The following PCDHGA6 variants were observed in gnomAD, a reference collection of about 807,000 sequenced individuals.
The protein encoded by PCDHGA6 is protocadherin gamma subfamily A, 6.
In PCDHGA6, 41 loss-of-function variants were observed where a neutral mutation model predicts 60.6. That is an observed-to-expected ratio of 0.68 (90% CI 0.53 to 0.88). PCDHGA6 has a LOEUF of 0.88. Ranked by LOEUF, PCDHGA6 falls within the 40% of genes least tolerant of loss-of-function variation. The probability of loss-of-function intolerance (pLI) is 0.00; values close to 1 mark genes in which losing one functional copy is unlikely to be tolerated. For synonymous variants in PCDHGA6, 594 were observed against 524.4 expected, an observed-to-expected ratio of 1.13 and a Z score of -1.81; for missense variants, 1,312 against 1,203.0, an observed-to-expected ratio of 1.09 and a Z score of -1.34.
intron 2 of PCDHGA6, among the ~76,000 whole-genome samples, chr5:141,497,661 T>A (rs1485909952): frequency 3.3e-5 from 5 of 151,062 alleles, no homozygotes; most frequent in African/African-American, 4.9e-5. Context: ...TGCCTCAGCC[T>A]CCCGAGTAGC....
In PCDHGA6 at chr5:141,376,032, GCCAGC is replaced by G; in HGVS notation, c.1952_1956del (p.Gln651ProfsTer113). 6.2e-7 allele frequency: 1 copy of G among 1,613,116 alleles called. No homozygotes were observed. Among genetic ancestry groups the G allele is most frequent in the South Asian group, 1.1e-5 (1 of 91,048 alleles). On this transcript the variant is annotated frameshift_variant, in exon 1 of 4. Transcript: ENST00000517434. LOFTEE classifies it high-confidence loss of function. The stretch of plus-strand genomic sequence containing the variant: ...CTAGTGGTGGCCGTCCAGGACCACG[GCCAGC>G]CCCCTCTCTCCGCCACTGTCACGCT...
In PCDHGA6 at chr5:141,487,160, G is replaced by A. The variant is rs1188929436; in HGVS notation, c.2425-7647G>A. 5.0e-6 allele frequency: 8 copies of A among 1,613,830 alleles called. No homozygotes were observed. The highest frequency in any genetic ancestry group is 5.1e-6 in the Non-Finnish European group (6 of 1,179,840). ...ACTCTCTACCTCTGTTACTCTCTTA[G>A]TGTCCTTAGAGGAAGACACTCATCC... On this transcript the variant is annotated intron_variant, in intron 1 of 3. Transcript: ENST00000517434. The surrounding 1 kb of genome is among the most constrained non-coding windows in gnomAD (Gnocchi z 5.0).
intron 1 of PCDHGA6, among the ~76,000 whole-genome samples, chr5:141,472,242 A>T (rs1342571385): frequency 6.6e-6 from 1 of 152,186 alleles, no homozygotes; most frequent in East Asian, 1.9e-4. Flanking sequence ...TTCACTTTCT[A>T]TTTTAAAGTT....
chr5:141,417,659 A>G, intron 1 of PCDHGA6: 1 of 869,514 alleles, frequency 1.2e-6, no homozygotes, highest in Non-Finnish European at 1.7e-6. Context: ...CTAGCCTGGG[A>G]TTCCCTGCGC....
intron 1 of PCDHGA6, among the ~76,000 whole-genome samples, chr5:141,452,019 C>T (rs1227308101): frequency 3.3e-5 from 5 of 152,194 alleles, no homozygotes; most frequent in African/African-American, 1.2e-4. Flanking sequence ...AGCCCACACT[C>T]TGGGGAGATG....
chr5:141,488,846 C>T (rs1359759383), intron 1 of PCDHGA6, among the ~76,000 whole-genome samples: 1 of 152,174 alleles, frequency 6.6e-6, no homozygotes, highest in African/African-American at 2.4e-5. Flanking sequence ...GCTGAATCAA[C>T]CTGCAGCACG....
At chr5:141,478,345 C>T (rs755421316) in intron 1 of PCDHGA6, 3 of 1,613,850 alleles carry the variant, frequency 1.9e-6, no homozygotes, top group East Asian at 4.5e-5. Context: ...CCTCCTTGCA[C>T]GCGGACGCCG....
Position 141,376,163 on chromosome 5 carries a change from G to C in PCDHGA6, c.2080G>C (p.Val694Leu). ...PNDSDLTLYL[V>L]VAVAAVSCVF... is the part of the protein sequence containing the mutation. ...CGATTCGGACCTCACTCTGTACCTG[G>C]TGGTGGCGGTGGCCGCGGTCTCCTG... Residue 694 changes from valine to leucine, a missense_variant, in exon 1 of 4, where the codon GTG (valine) becomes CTG (leucine). By Grantham distance (32) the Val-to-Leu change is conservative. Transcript: ENST00000517434. 11 of 1,614,112 alleles carry C rather than the reference G, an allele frequency of 6.8e-6. No individual in the cohort carries two copies. The highest frequency in any genetic ancestry group is 9.3e-6 in the Non-Finnish European group (11 of 1,180,008).
chr5:141,400,734 G>T, intron 1 of PCDHGA6: 1 of 634,546 alleles, frequency 1.6e-6, no homozygotes, highest in Non-Finnish European at 2.7e-6. Context: ...AAAGTAGTGA[G>T]AGTTTGCTCT....
intron 2 of PCDHGA6, among the ~76,000 whole-genome samples, chr5:141,504,802 C>G (rs370355030): frequency 6.6e-6 from 1 of 152,030 alleles, no homozygotes; most frequent in East Asian, 1.9e-4. Context: ...ACATCTCCCC[C>G]TAGGTACCTC....
Position 141,417,739 on chromosome 5 carries a change from C to G in PCDHGA6, c.2424+41232C>G, listed in dbSNP as rs1002260902. On this transcript the variant is annotated intron_variant, in intron 1 of 3. Transcript: ENST00000517434. The stretch of plus-strand genomic sequence containing the variant: ...GGCTGCGCAGACCTTGCCCAGCACA[C>G]CAGATTGCCAGCTCCGAGACCCGGG... 1.6e-5 allele frequency: 22 copies of G among 1,411,706 alleles called. No homozygotes were observed. In the African/African-American group the frequency reaches 1.7e-4, roughly 11 times the overall value. The allele number at this position is 1,411,706 out of a possible 1,614,324, so 87.4% of individuals were successfully genotyped here.
At chr5:141,389,313 C>A (rs1279349887) in intron 1 of PCDHGA6, 2 of 1,614,024 alleles carry the variant, frequency 1.2e-6, no homozygotes, top group Admixed American at 3.3e-5. Context: ...GGCTTCTGAT[C>A]CGGACTTGGG....
chr5:141,478,420 C>A, intron 1 of PCDHGA6: 1 of 1,613,676 alleles, frequency 6.2e-7, no homozygotes, highest in Non-Finnish European at 8.5e-7. Context: ...ACTCCCGCCG[C>A]AGCGACCCGC....
chr5:141,419,756 G>C (rs1006926516), intron 1 of PCDHGA6: 10 of 1,613,890 alleles, frequency 6.2e-6, no homozygotes, highest in Admixed American at 1.7e-5. Flanking sequence ...GCGTGCTTTG[G>C]GTGACAAGGA....
At position 141,393,564 on chromosome 5, in the gene PCDHGA6, G is replaced by A; in HGVS notation, c.2424+17057G>A. On this transcript the variant is annotated intron_variant, in intron 1 of 3. Coordinates refer to ENST00000517434, the MANE Select transcript of PCDHGA6 (RefSeq NM_018919.3). ...TCCTCACCCGATTTACCGAGTGAAA[G>A]TCCTTGAGAACATGCCCCCAGGCAC... is the stretch of plus-strand genomic sequence containing the variant. 1 of 1,613,932 alleles carries A rather than the reference G, an allele frequency of 6.2e-7. No individual in the cohort carries two copies. Among genetic ancestry groups the A allele is most frequent in the Non-Finnish European group, 8.5e-7 (1 of 1,179,894 alleles).
At chr5:141,404,878 T>C (rs748965325) in intron 1 of PCDHGA6, 88 of 1,613,722 alleles carry the variant, frequency 5.5e-5, no homozygotes, top group Non-Finnish European at 7.3e-5. Context: ...AACAGAGCCT[T>C]GTGGTGGCTG....
At chr5:141,443,844 G>T (rs976057583) in intron 1 of PCDHGA6, among the ~76,000 whole-genome samples, 1 of 152,130 alleles carries the variant, frequency 6.6e-6, no homozygotes, top group African/African-American at 2.4e-5. Flanking sequence ...GGGTAATATG[G>T]AAAGTCTGAA....
At chr5:141,426,665 T>A in intron 1 of PCDHGA6, 1 of 429,940 alleles carries the variant, frequency 2.3e-6, no homozygotes, top group South Asian at 1.6e-5. Context: ...ATATAAATGA[T>A]AACCCACCTC....
chr5:141,414,576 G>A, intron 1 of PCDHGA6: 1 of 1,613,898 alleles, frequency 6.2e-7, no homozygotes, highest in Non-Finnish European at 8.5e-7. Context: ...ATATCCCAGA[G>A]AACAACGCCA....
Sources: allele counts gnomAD v4.1 joint callset (sites outside exome capture counted in the v4.1 genomes callset), GRCh38; gene constraint gnomAD v4.1.1; non-coding constraint Gnocchi (gnomAD v3.1); transcripts MANE v1.5; gene names NCBI Gene and HGNC (gene_info 2026-07-23, HGNC 2026-07-21).